CSMD1: variants seen among roughly 807,000 people sequenced by gnomAD.
The protein encoded by CSMD1 is CUB and Sushi multiple domains 1.
CSMD1 carries 213 observed loss-of-function variants against 417.5 expected under a neutral mutation model. The observed-to-expected ratio is 0.51, with a 90% CI of 0.46 to 0.57. CSMD1 has a LOEUF of 0.57. Ranked by LOEUF, CSMD1 falls within the 20% of genes least tolerant of loss-of-function variation. The pLI, the probability that CSMD1 is intolerant of heterozygous loss-of-function variation, is 0.00. For synonymous variants in CSMD1, 2,862 were observed against 1,736.8 expected (o/e 1.65, Z -16.11); for missense variants, 6,923 against 4,529.7 (o/e 1.53, Z -15.17).
At chr8:3,306,026 G>C (rs1037741780) in intron 25 of CSMD1, among the ~76,000 whole-genome samples, 1 of 152,076 alleles carries the variant, frequency 6.6e-6, no homozygotes, top group East Asian at 1.9e-4. Context: ...ACCATCCTAA[G>C]ATGTTTGCAT....
chr8:4,131,316 G>A (rs1248094800), intron 3 of CSMD1, among the ~76,000 whole-genome samples: 1 of 152,156 alleles, frequency 6.6e-6, no homozygotes, highest in African/African-American at 2.4e-5. Context: ...GTAATGTGAG[G>A]TCTGACTGTG....
chr8:4,699,388 G>C (rs1257869719), intron 1 of CSMD1, among the ~76,000 whole-genome samples: 1 of 152,040 alleles, frequency 6.6e-6, no homozygotes, highest in Non-Finnish European at 1.5e-5. Context: ...CTCACACCTT[G>C]TACTGATCAC....
chr8:4,938,762 C>T (rs1483201698), intron 1 of CSMD1, among the ~76,000 whole-genome samples: 3 of 152,098 alleles, frequency 2.0e-5, no homozygotes, highest in African/African-American at 7.2e-5. Flanking sequence ...AAGTGTGTGG[C>T]CTGTGGGTCA....
At chr8:4,049,601 G>A (rs895415541) in intron 3 of CSMD1, among the ~76,000 whole-genome samples, 1 of 151,896 alleles carries the variant, frequency 6.6e-6, no homozygotes, top group African/African-American at 2.4e-5. Context: ...TTTTTATTTA[G>A]GGTTTAATAT....
At chr8:4,395,314 C>A (rs943012318) in intron 3 of CSMD1, among the ~76,000 whole-genome samples, 1 of 152,156 alleles carries the variant, frequency 6.6e-6, no homozygotes, top group African/African-American at 2.4e-5. Flanking sequence ...TAACTTCAGC[C>A]CCTTCGCTAT....
intron 3 of CSMD1, among the ~76,000 whole-genome samples, chr8:4,331,729 C>T (rs894772713): frequency 5.3e-5 from 8 of 152,114 alleles, no homozygotes; most frequent in Non-Finnish European, 1.0e-4. Flanking sequence ...TCACAATGAC[C>T]TTTCTAAATA....
intron 10 of CSMD1, among the ~76,000 whole-genome samples, chr8:3,562,933 C>T (rs1035682536): frequency 7.9e-5 from 12 of 151,358 alleles, no homozygotes; most frequent in African/African-American, 1.7e-4. Context: ...AAAAAAAAAA[C>T]CAAACCATCC....
intron 5 of CSMD1, among the ~76,000 whole-genome samples, chr8:3,982,774 G>C (rs1040242640): frequency 6.6e-6 from 1 of 152,164 alleles, no homozygotes; most frequent in Non-Finnish European, 1.5e-5. Context: ...ATAATGGACA[G>C]GGCCAGAACG....
intron 7 of CSMD1, among the ~76,000 whole-genome samples, chr8:3,660,705 G>A (rs144759106): frequency 6.8e-6 from 1 of 146,636 alleles, no homozygotes; most frequent in Non-Finnish European, 1.5e-5. Context: ...ATTTTTAGTA[G>A]AGACAGGGTT....
chr8:3,733,750 C>G (rs140919378), intron 6 of CSMD1, among the ~76,000 whole-genome samples: 176 of 152,170 alleles, frequency 1.2e-3, no homozygotes, highest in African/African-American at 3.9e-3. Flanking sequence ...GTTCAAGTAA[C>G]CCTTATTTTA....
At chr8:3,597,936 G>C (rs1418001597) in intron 8 of CSMD1, among the ~76,000 whole-genome samples, 2 of 152,184 alleles carry the variant, frequency 1.3e-5, no homozygotes, top group African/African-American at 2.4e-5. Flanking sequence ...ATATACATAT[G>C]TAACAAACCT....
chr8:4,302,593 G>T (rs557930139), intron 3 of CSMD1, among the ~76,000 whole-genome samples: 1 of 152,134 alleles, frequency 6.6e-6, no homozygotes, highest in South Asian at 2.1e-4. Context: ...ATAATGCACC[G>T]TAAGGGGATT....
intron 1 of CSMD1, among the ~76,000 whole-genome samples, chr8:4,971,426 C>A (rs767596109): frequency 2.5e-4 from 38 of 152,024 alleles, no homozygotes; most frequent in African/African-American, 8.7e-4. Context: ...TACAATAATT[C>A]AAGTTTCCAT....
intron 2 of CSMD1, among the ~76,000 whole-genome samples, chr8:4,591,584 T>C (rs1170188535): frequency 2.0e-5 from 3 of 152,158 alleles, no homozygotes; most frequent in Admixed American, 2.0e-4. Flanking sequence ...TGGGAGCAGA[T>C]GCAAGCAGCT....
At chr8:3,225,453 G>C (rs532774484) in intron 27 of CSMD1, among the ~76,000 whole-genome samples, 1 of 151,792 alleles carries the variant, frequency 6.6e-6, no homozygotes, top group Non-Finnish European at 1.5e-5. Flanking sequence ...CTCTCACAGG[G>C]CAGTGCCTCC....
chr8:4,436,854 C>G (rs1054291756), intron 2 of CSMD1, among the ~76,000 whole-genome samples: 2 of 152,168 alleles, frequency 1.3e-5, no homozygotes, highest in Non-Finnish European at 2.9e-5. Flanking sequence ...GAATCTCATC[C>G]TTTTTGTGGC....
In CSMD1 at chr8:4,031,172, T is replaced by C. The variant is rs138602686; in HGVS notation, c.610+733A>G. ...ATCCAGTTCCAAAGTCGCTTCCACATCTTTTGGTATCTTTTCAGGAGTACC... is the reference window on the plus strand; with the variant it reads ...ATCCAGTTCCAAAGTCGCTTCCACACCTTTTGGTATCTTTTCAGGAGTACC... On this transcript the variant is annotated intron_variant, in intron 4 of 69. Coordinates refer to ENST00000635120, the MANE Select transcript of CSMD1 (RefSeq NM_033225.6). Among the ~76,000 whole-genome samples the C allele has an allele frequency of 1.7e-3, 257 of 152,324 alleles. 1 individual carries two copies. Among genetic ancestry groups the C allele is most frequent in the African/African-American group, 5.8e-3 (243 of 41,578 alleles).
chr8:4,749,233 A>C (rs1811152683), intron 1 of CSMD1, among the ~76,000 whole-genome samples: 1 of 152,268 alleles, frequency 6.6e-6, no homozygotes, highest in Non-Finnish European at 1.5e-5. Context: ...TTAAAGGGTT[A>C]AATGTTATCT....
intron 1 of CSMD1, among the ~76,000 whole-genome samples, chr8:4,821,186 G>A (rs1488981039): frequency 6.6e-6 from 1 of 152,112 alleles, no homozygotes; most frequent in African/African-American, 2.4e-5. Context: ...TCACGTCACT[G>A]TGACATTCAG....
Sources: allele counts gnomAD v4.1 joint callset (sites outside exome capture counted in the v4.1 genomes callset), GRCh38; gene constraint gnomAD v4.1.1; transcripts MANE v1.5; gene names NCBI Gene and HGNC (gene_info 2026-07-23, HGNC 2026-07-21).